The following RAB3C variants were observed in gnomAD, a reference collection of about 807,000 sequenced individuals.
The protein encoded by RAB3C is ras-related protein Rab-3C.
In RAB3C, 17 loss-of-function variants were observed where a neutral mutation model predicts 26.4. The ratio of observed to expected loss-of-function variants is 0.64; its 90% CI spans 0.44 to 0.97. RAB3C has a LOEUF of 0.97. Among genes scored for constraint, RAB3C ranks in the 50% least tolerant of loss-of-function variants. RAB3C has a pLI of 0.00. For missense variants in RAB3C, 242 were observed against 281.9 expected (o/e 0.86, Z 1.01); for synonymous variants, 91 against 95.9 (o/e 0.95, Z 0.30).
At chr5:58,749,986 T>C (rs955771563) in intron 3 of RAB3C, among the ~76,000 whole-genome samples, 7 of 152,202 alleles carry the variant, frequency 4.6e-5, no homozygotes, top group African/African-American at 1.7e-4. Flanking sequence ...TGTCATTCAT[T>C]ATTAATTTAT....
At chr5:58,761,744 A>G (rs989769974) in intron 3 of RAB3C, among the ~76,000 whole-genome samples, 2 of 152,196 alleles carry the variant, frequency 1.3e-5, no homozygotes, top group African/African-American at 2.4e-5. Flanking sequence ...TGTTTAATGC[A>G]GCTGTTTCAT....
intron 3 of RAB3C, among the ~76,000 whole-genome samples, chr5:58,805,633 GAA>G (rs747114641): frequency 3.4e-4 from 51 of 149,402 alleles, no homozygotes; most frequent in African/African-American, 1.2e-3. Context: ...GAAAAGGAAA[GAA>G]AGAGATAGTA....
chr5:58,798,094 G>GGA (rs1438056513), intron 3 of RAB3C, among the ~76,000 whole-genome samples: 2 of 40,894 alleles, frequency 4.9e-5, no homozygotes, highest in South Asian at 1.3e-3. Flanking sequence ...CATACTTGGC[G>GGA]GGGGGGCCTC....
intron 2 of RAB3C, among the ~76,000 whole-genome samples, chr5:58,704,822 T>C (rs1748912582): frequency 6.6e-6 from 1 of 152,088 alleles, no homozygotes; most frequent in African/African-American, 2.4e-5. Context: ...CCAGTTTGAG[T>C]TAGGGGTGGT....
At chr5:58,781,552 C>T (rs910274885) in intron 3 of RAB3C, among the ~76,000 whole-genome samples, 1 of 151,476 alleles carries the variant, frequency 6.6e-6, no homozygotes, top group Non-Finnish European at 1.5e-5. Flanking sequence ...AGCATTAAGG[C>T]TTAATTCTTA....
In RAB3C at chr5:58,708,568, C is replaced by T. The variant is rs538123798; in HGVS notation, c.253-17434C>T. The stretch of plus-strand genomic sequence containing the variant: ...ATCAGTAGAGGCCAGTGCATCTGCT[C>T]CCTGACTCTGCTACCAAGCAATTCA... On this transcript the variant is annotated intron_variant, in intron 2 of 4. Coordinates refer to ENST00000282878, the MANE Select transcript of RAB3C (RefSeq NM_138453.4). Among the ~76,000 whole-genome samples, 31 of 152,282 alleles carry T rather than the reference C, an allele frequency of 2.0e-4. No individual in the cohort carries two copies. In the South Asian group the frequency reaches 5.2e-3, roughly 25 times the overall value.
At position 58,851,148 on chromosome 5, in the gene RAB3C, T is replaced by G. The variant is rs1561152566; in HGVS notation, c.497-16T>G. On this transcript the variant is annotated splice_polypyrimidine_tract_variant and intron_variant, in intron 4 of 4. Coordinates refer to ENST00000282878, the MANE Select transcript of RAB3C (RefSeq NM_138453.4). The stretch of plus-strand genomic sequence containing the variant: ...ATGCAAAATAACCAAGATGTGTTTC[T>G]GTGTGTTTCTTCCAGGGTTTGAGTT... The G allele has an allele frequency of 6.3e-7, 1 of 1,582,878 alleles. No individual in the cohort carries two copies. Among genetic ancestry groups the G allele is most frequent in the Admixed American group, 1.9e-5 (1 of 53,730 alleles).
intron 2 of RAB3C, 47 bp downstream of exon 2, chr5:58,617,917 C>A: frequency 8.2e-7 from 1 of 1,222,010 alleles, no homozygotes; most frequent in Non-Finnish European, 1.2e-6. Context: ...GGGTGTTGAA[C>A]ATATCCATTT....
chr5:58,694,988 G>A (rs1286284425), intron 2 of RAB3C, among the ~76,000 whole-genome samples: 1 of 152,156 alleles, frequency 6.6e-6, no homozygotes, highest in African/African-American at 2.4e-5. Flanking sequence ...CGGTGTTTTA[G>A]TCATGAAGTC....
chr5:58,675,494 G>A (rs1333040030), intron 2 of RAB3C, among the ~76,000 whole-genome samples: 1 of 151,846 alleles, frequency 6.6e-6, no homozygotes, highest in Non-Finnish European at 1.5e-5. Flanking sequence ...CCTCACCATT[G>A]CTTCATTTCC....
At chr5:58,672,459 T>C (rs1748139444) in intron 2 of RAB3C, among the ~76,000 whole-genome samples, 1 of 152,176 alleles carries the variant, frequency 6.6e-6, no homozygotes. Context: ...ACCTGTAAAA[T>C]GAGGAGATGG....
intron 3 of RAB3C, among the ~76,000 whole-genome samples, chr5:58,768,221 A>C (rs1386499641): frequency 6.6e-6 from 1 of 152,170 alleles, no homozygotes; most frequent in African/African-American, 2.4e-5. Context: ...GAGCATCCTC[A>C]ATCACCTAGG....
At position 58,722,166 on chromosome 5, in the gene RAB3C, TG is replaced by T. The variant is rs1740784239; in HGVS notation, c.253-3833del. ...AAATGAAATTAACATCTTATGAAAA[TG>T]GGACACCATCACTGGAAGAGGTCAA... On this transcript the variant is annotated intron_variant, in intron 2 of 4. Transcript: ENST00000282878. Among the ~76,000 whole-genome samples the T allele has an allele frequency of 2.6e-5, 4 of 151,908 alleles. No homozygotes were observed. In the South Asian group the frequency reaches 8.3e-4, roughly 31 times the overall value.
At chr5:58,753,484 A>G (rs1259795503) in intron 3 of RAB3C, among the ~76,000 whole-genome samples, 3 of 152,294 alleles carry the variant, frequency 2.0e-5, no homozygotes, top group Non-Finnish European at 4.4e-5. Flanking sequence ...CCTGAACTTG[A>G]TCGAGAAGTA....
intron 1 of RAB3C, among the ~76,000 whole-genome samples, chr5:58,599,341 A>G (rs987400581): frequency 3.9e-5 from 6 of 152,150 alleles, no homozygotes; most frequent in African/African-American, 1.4e-4. Context: ...AAGCTTCCAC[A>G]TTTCTGAGCA....
chr5:58,828,899 TG>T (rs1290111537), intron 4 of RAB3C, among the ~76,000 whole-genome samples: 7 of 143,556 alleles, frequency 4.9e-5, no homozygotes, highest in African/African-American at 5.5e-5. Context: ...TATTTTACCA[TG>T]CTTTTTTTTT....
chr5:58,593,568 G>T (rs987084615), intron 1 of RAB3C, among the ~76,000 whole-genome samples: 1 of 152,062 alleles, frequency 6.6e-6, no homozygotes, highest in Non-Finnish European at 1.5e-5. Context: ...AAATTAAATT[G>T]TGGGCTTCAA....
intron 3 of RAB3C, among the ~76,000 whole-genome samples, chr5:58,809,600 G>GT (rs1016784129): frequency 3.4e-4 from 52 of 152,242 alleles, no homozygotes; most frequent in African/African-American, 1.3e-3. Flanking sequence ...AAGTTCACAC[G>GT]TTGAAGCCCC....
intron 1 of RAB3C, among the ~76,000 whole-genome samples, chr5:58,596,845 A>G (rs1374407675): frequency 1.1e-5 from 1 of 88,102 alleles, no homozygotes; most frequent in Non-Finnish European, 1.9e-5. Context: ...TTTATAATAT[A>G]TAATACATAA....
Sources: gnomAD v4.1 joint callset for allele counts (sites outside exome capture counted in the v4.1 genomes callset) on GRCh38, gnomAD v4.1.1 for gene constraint, MANE v1.5 for transcripts, NCBI Gene and HGNC (gene_info 2026-07-23, HGNC 2026-07-21) for gene names.